GPHN: variants seen among roughly 807,000 people sequenced by gnomAD.
GPHN encodes gephyrin.
Under a neutral mutation model 95.5 loss-of-function variants are expected in GPHN, and 17 were observed. That is an observed-to-expected ratio of 0.18 (90% CI 0.12 to 0.27). The LOEUF (loss-of-function observed/expected upper bound fraction) is 0.27, where lower values mean the gene tolerates loss of function less well. GPHN is among the 10% of genes least tolerant of loss of function. The pLI is 1.00. For missense variants in GPHN, 660 were observed against 978.1 expected (o/e 0.67, Z 4.34); for synonymous variants, 320 against 322.5 (o/e 0.99, Z 0.08).
intron 1 of GPHN, among the ~76,000 whole-genome samples, chr14:66,579,269 C>T (rs959379488): frequency 6.6e-6 from 1 of 151,542 alleles, no homozygotes; most frequent in Non-Finnish European, 1.5e-5. Context: ...CAAAGGAAGA[C>T]AGGTAGAGTG....
the GPHN span, among the ~76,000 whole-genome samples, chr14:67,510,185 A>T: frequency 6.6e-6 from 1 of 152,244 alleles, no homozygotes; most frequent in Non-Finnish European, 1.5e-5. Flanking sequence ...ATGAGAAAAG[A>T]ACATATGTAA....
the GPHN span, chr14:67,392,180 G>A: frequency 3.1e-6 from 2 of 644,398 alleles, no homozygotes; most frequent in Non-Finnish European, 5.6e-6. Context: ...TGCTCCTGGA[G>A]GCTGGTGCTG....
chr14:66,754,055 T>G (rs1465184225), intron 2 of GPHN, among the ~76,000 whole-genome samples: 1 of 152,152 alleles, frequency 6.6e-6, no homozygotes, highest in Admixed American at 6.6e-5. Flanking sequence ...TCTTTTTTAT[T>G]TCTGGATAGT....
chr14:66,645,091 T>C (rs1309536800), intron 1 of GPHN, among the ~76,000 whole-genome samples: 3 of 152,108 alleles, frequency 2.0e-5, no homozygotes, highest in Non-Finnish European at 2.9e-5. Context: ...AGTATATTTG[T>C]ATGTAATGAA....
At chr14:67,476,971 C>CA in the GPHN span, among the ~76,000 whole-genome samples, 6 of 151,920 alleles carry the variant, frequency 3.9e-5, no homozygotes, top group Non-Finnish European at 7.4e-5. Flanking sequence ...ACTAAAAATA[C>CA]AAAAAAACAA....
intron 13 of GPHN, among the ~76,000 whole-genome samples, chr14:67,108,977 A>G (rs907520948): frequency 1.3e-5 from 2 of 152,120 alleles, no homozygotes; most frequent in Non-Finnish European, 2.9e-5. Context: ...TTGTTGTCCG[A>G]CCATCATAGA....
chr14:67,674,365 C>G, the GPHN span: 4 of 1,584,958 alleles, frequency 2.5e-6, no homozygotes, highest in South Asian at 1.1e-5. Flanking sequence ...GTGGCCCACC[C>G]CCGCCTCACC....
At chr14:66,607,849 T>G (rs2062611558) in intron 1 of GPHN, among the ~76,000 whole-genome samples, 1 of 152,010 alleles carries the variant, frequency 6.6e-6, no homozygotes, top group South Asian at 2.1e-4. Flanking sequence ...AATGTCATCT[T>G]TGTCATTTCT....
At chr14:66,975,981 C>A (rs752589744) in intron 9 of GPHN, among the ~76,000 whole-genome samples, 68 of 152,234 alleles carry the variant, frequency 4.5e-4, no homozygotes, top group Middle Eastern at 6.8e-3. Context: ...GCTTATAATT[C>A]TTTTCTTTTG....
intron 1 of GPHN, among the ~76,000 whole-genome samples, chr14:66,634,747 T>C (rs2064009419): frequency 1.3e-5 from 2 of 152,158 alleles, no homozygotes; most frequent in Admixed American, 1.3e-4. Flanking sequence ...AGCTATAAGA[T>C]TGCTTTTTTT....
intron 1 of GPHN, among the ~76,000 whole-genome samples, chr14:66,523,877 TTTATC>T (rs2058578402): frequency 1.3e-5 from 2 of 152,146 alleles, no homozygotes. Flanking sequence ...TTCCCACTAT[TTTATC>T]TTATTTTAGC....
chr14:67,385,092 A>G, the GPHN span: 3 of 152,290 alleles, frequency 2.0e-5, no homozygotes, highest in African/African-American at 4.8e-5. Flanking sequence ...GCTCAGTTCC[A>G]TGGCAATTTT....
At chr14:67,099,516 A>G (rs1164936201) in intron 12 of GPHN, among the ~76,000 whole-genome samples, 1 of 151,290 alleles carries the variant, frequency 6.6e-6, no homozygotes, top group Non-Finnish European at 1.5e-5. Context: ...AATACTTTTT[A>G]CAAGTAAAAA....
chr14:66,674,706 A>G (rs1295738214), intron 1 of GPHN, among the ~76,000 whole-genome samples: 1 of 152,082 alleles, frequency 6.6e-6, no homozygotes, highest in Non-Finnish European at 1.5e-5. Context: ...CATTCTCTTT[A>G]TCCATTCATC....
At chr14:66,852,135 G>A (rs752636984) in intron 4 of GPHN, among the ~76,000 whole-genome samples, 1 of 152,168 alleles carries the variant, frequency 6.6e-6, no homozygotes, top group Non-Finnish European at 1.5e-5. Context: ...ATTTTCAAAT[G>A]TATCTTTAAT....
chr14:67,383,573 C>T, the GPHN span: 2 of 1,308,500 alleles, frequency 1.5e-6, no homozygotes, highest in African/African-American at 1.5e-5. Context: ...TTTAAATGTT[C>T]TAACAGATCA....
chr14:67,713,643 A>T, the GPHN span, among the ~76,000 whole-genome samples: 2 of 152,168 alleles, frequency 1.3e-5, no homozygotes, highest in East Asian at 3.9e-4. Context: ...AAACCCAGAA[A>T]ATTTGAGACA....
At chr14:67,144,253 ATATATATAT>A (rs2080728227) in intron 18 of GPHN, among the ~76,000 whole-genome samples, 9 of 46,440 alleles carry the variant, frequency 1.9e-4, no homozygotes, top group Non-Finnish European at 2.8e-4. Context: ...AAAAAAAAAT[ATATATATAT>A]ATATATATAT....
the GPHN span, chr14:67,364,550 C>T: frequency 8.1e-5 from 37 of 457,424 alleles, no homozygotes; most frequent in East Asian, 6.8e-4. Flanking sequence ...ATCACCCAAG[C>T]ATTACAAAAA....
Sources: allele counts gnomAD v4.1 joint callset (sites outside exome capture counted in the v4.1 genomes callset), GRCh38; gene constraint gnomAD v4.1.1; transcripts MANE v1.5; gene names NCBI Gene and HGNC (gene_info 2026-07-23, HGNC 2026-07-21).